Variants in SOCS7 observed in about 807,000 individuals in gnomAD.
SOCS7 encodes the protein suppressor of cytokine signaling 7.
Under a neutral mutation model 58.9 loss-of-function variants are expected in SOCS7, and 18 were observed. The observed-to-expected ratio is 0.31, with a 90% CI of 0.21 to 0.45. The LOEUF is 0.45. Among genes scored for constraint, SOCS7 ranks in the 20% least tolerant of loss-of-function variants. The pLI is 1.00. For synonymous variants in SOCS7, 388 were observed against 364.3 expected (o/e 1.06, Z -0.74); for missense variants, 667 against 837.3 (o/e 0.80, Z 2.51).
chr17:38,356,968 G>A (rs2037648876), intron 1 of SOCS7, among the ~76,000 whole-genome samples: 1 of 152,196 alleles, frequency 6.6e-6, no homozygotes, highest in Non-Finnish European at 1.5e-5. Flanking sequence ...TTGGAAATAG[G>A]TACCTTGTTC....
intron 9 of SOCS7, 24 bp downstream of exon 9, chr17:38,396,022 C>A: frequency 6.5e-7 from 1 of 1,540,178 alleles, no homozygotes. Flanking sequence ...GCCTCACTGC[C>A]CAGCCACATT....
chr17:38,352,520 G>A lies in SOCS7; in HGVS notation c.468G>A (p.Pro156=). ...CGTGTCCTCCTCAGCCGCCCCCTCC[G>A]CAGCCCCAGCCGCCTGCTGCCGCCC... ...PCPCPPQPPP[P]QPQPPAAAPQ... is the part of the protein sequence containing the mutation. Residue 156 remains proline (P), a synonymous_variant, in exon 1 of 10, where the codon CCG becomes CCA. Coordinates refer to ENST00000612932, the MANE Select transcript of SOCS7 (RefSeq NM_014598.4). This position sits in a 1 kb window ranked among gnomAD's most constrained non-coding sequence, Gnocchi z 5.5. 6.5e-7 allele frequency: 1 copy of A among 1,546,346 alleles called. No homozygotes were observed. The highest frequency in any genetic ancestry group is 8.7e-7 in the Non-Finnish European group (1 of 1,144,938).
intron 7 of SOCS7, among the ~76,000 whole-genome samples, chr17:38,379,077 G>A (rs1436619215): frequency 2.0e-5 from 3 of 151,096 alleles, no homozygotes; most frequent in Admixed American, 1.3e-4. Flanking sequence ...AGGATCACTT[G>A]AGCCTGGGAG....
rs1344639101 is a variant in SOCS7, at chr17:38,352,541, C to T, written c.489C>T (p.Ala163=). The change falls in exon 1 of 10, where the codon GCC becomes GCT. Residue 163 remains alanine (A), a synonymous_variant. Transcript: ENST00000612932. The surrounding 1 kb of genome is among the most constrained non-coding windows in gnomAD (Gnocchi z 5.5). ...PPPPQPQPPA[A]APQAGEDPTE... ...CTCCGCAGCCCCAGCCGCCTGCTGC[C>T]GCCCCGCAGGCCGGGGAGGACCCCA... 6.5e-7 allele frequency: 1 copy of T among 1,548,514 alleles called. No individual in the cohort carries two copies. The highest frequency in any genetic ancestry group is 8.7e-7 in the Non-Finnish European group (1 of 1,145,992).
chr17:38,365,161 G>T (rs1227602618), intron 3 of SOCS7, 147 bp from the exon 4 acceptor site: 1 of 619,638 alleles, frequency 1.6e-6, no homozygotes, highest in Non-Finnish European at 2.8e-6. Context: ...TAAGATGATT[G>T]TTGCCCTCTG....
At chr17:38,355,661 A>G (rs587764550) in intron 1 of SOCS7, among the ~76,000 whole-genome samples, 27 of 152,300 alleles carry the variant, frequency 1.8e-4, no homozygotes, top group Non-Finnish European at 2.5e-4. Flanking sequence ...ATGGGCTTCT[A>G]TAGTCTTTGC....
At chr17:38,379,475 T>C (rs2037974495) in intron 7 of SOCS7, among the ~76,000 whole-genome samples, 1 of 152,072 alleles carries the variant, frequency 6.6e-6, no homozygotes, top group Admixed American at 6.6e-5. Flanking sequence ...CCAGACTCTT[T>C]CAAAAAAACA....
intron 7 of SOCS7, among the ~76,000 whole-genome samples, chr17:38,391,427 A>G (rs913553747): frequency 1.3e-4 from 20 of 152,142 alleles, no homozygotes; most frequent in Non-Finnish European, 2.5e-4. Flanking sequence ...GTCTTACCCT[A>G]TCACTCAGGC....
intron 2 of SOCS7, among the ~76,000 whole-genome samples, chr17:38,362,030 A>G (rs2037727172): frequency 1.3e-5 from 2 of 152,350 alleles, no homozygotes; most frequent in South Asian, 4.1e-4. Flanking sequence ...GCAGTTATGC[A>G]GTGCTTAGTT....
At chr17:38,369,084 T>C (rs1282278546) in intron 6 of SOCS7, among the ~76,000 whole-genome samples, 1 of 152,250 alleles carries the variant, frequency 6.6e-6, no homozygotes, top group Non-Finnish European at 1.5e-5. Context: ...TCATTGTTTC[T>C]GAGGCTGGGT....
At position 38,395,418 on chromosome 17, in the gene SOCS7, T is replaced by C; in HGVS notation, c.1791T>C (p.Asp597=). 8 of 1,614,118 alleles carry C rather than the reference T, an allele frequency of 5.0e-6. No individual in the cohort carries two copies. The highest frequency in any genetic ancestry group is 5.9e-6 in the Non-Finnish European group (7 of 1,180,014). Residue 597 remains aspartate, a synonymous_variant, in exon 8 of 10, where the codon GAT becomes GAC. Transcript: ENST00000612932. ...RFRIRQLVRI[D]HIPDLPLPKP... is the part of the protein sequence containing the mutation. ...GGATACGACAGCTCGTCAGGATAGATCACATCCCAGATCTCCCACTGCCTA... is the reference window on the plus strand; with the variant it reads ...GGATACGACAGCTCGTCAGGATAGACCACATCCCAGATCTCCCACTGCCTA...
At chr17:38,375,711 C>G (rs1263255693) in intron 6 of SOCS7, 1 of 152,042 alleles carries the variant, frequency 6.6e-6, no homozygotes, top group Non-Finnish European at 1.5e-5. Context: ...ATGCTCCCCC[C>G]CACATTATTC....
At chr17:38,363,485 AC>A (rs2144329000) in intron 2 of SOCS7, among the ~76,000 whole-genome samples, 1 of 152,228 alleles carries the variant, frequency 6.6e-6, no homozygotes, top group South Asian at 2.1e-4. Context: ...ATAGGCATGC[AC>A]CACCATACCT....
In SOCS7 at chr17:38,403,682, G is replaced by A. The variant is rs2038352886; in HGVS notation, c.*4200G>A. ...TTAGGGTGTTAAGAGCATCTCCACT[G>A]GGCGGAGACCTGGCATTTGTTTTCC... On this transcript the variant is annotated 3_prime_UTR_variant, in exon 10 of 10. Coordinates refer to ENST00000612932, the MANE Select transcript of SOCS7 (RefSeq NM_014598.4). 1 of 152,182 alleles carries A rather than the reference G, an allele frequency of 6.6e-6. No individual in the cohort carries two copies. The highest frequency in any genetic ancestry group is 1.5e-5 in the Non-Finnish European group (1 of 68,056). The allele number at this position is 152,182 out of a possible 1,614,324, so 9.4% of individuals were successfully genotyped here. A position where few individuals can be genotyped will look rare whatever the true frequency, so the allele number is the denominator to read the frequency against.
chr17:38,367,340 C>T (rs911977806), intron 5 of SOCS7, among the ~76,000 whole-genome samples: 1 of 151,508 alleles, frequency 6.6e-6, no homozygotes, highest in Admixed American at 6.6e-5. Context: ...GCTGGGATTA[C>T]AGGTGTGAAC....
chr17:38,393,077 T>C (rs946103104), intron 7 of SOCS7, among the ~76,000 whole-genome samples: 1 of 152,204 alleles, frequency 6.6e-6, no homozygotes, highest in East Asian at 1.9e-4. Flanking sequence ...CGGCACAATC[T>C]TGGCTCACTG....
At chr17:38,378,803 C>T (rs747710622) in intron 7 of SOCS7, among the ~76,000 whole-genome samples, 1 of 152,016 alleles carries the variant, frequency 6.6e-6, no homozygotes, top group Admixed American at 6.6e-5. Context: ...AGCAATCTGC[C>T]TTTATAGTGT....
rs1049774245 is a variant in SOCS7, at chr17:38,401,725, A to C, written c.*2243A>C. ...GGTTGTAGTCAATGGCAGGACAGAC[A>C]GTGAGATGAAAAACACATGAGCAAA... is the stretch of plus-strand genomic sequence containing the variant. On this transcript the variant is annotated 3_prime_UTR_variant, in exon 10 of 10. Coordinates refer to ENST00000612932, the MANE Select transcript of SOCS7 (RefSeq NM_014598.4). 3.3e-5 allele frequency: 5 copies of C among 152,474 alleles called. No individual in the cohort carries two copies. Among genetic ancestry groups the C allele is most frequent in the Admixed American group, 3.3e-4 (5 of 15,288 alleles). 9.4% of individuals were successfully genotyped at this position (152,474 alleles called of 1,614,324 possible). A position where few individuals can be genotyped will look rare whatever the true frequency, so the allele number is the denominator to read the frequency against.
At position 38,352,480 on chromosome 17, in the gene SOCS7, G is replaced by T. The variant is rs1361368116; in HGVS notation, c.428G>T (p.Gly143Val). 1.3e-6 allele frequency: 2 copies of T among 1,522,594 alleles called. No homozygotes were observed. The highest frequency in any genetic ancestry group is 4.9e-5 in the East Asian group (2 of 40,606). 94.3% of individuals were successfully genotyped at this position (1,522,594 alleles called of 1,614,324 possible). ...CCGGGGGTCAAGACAGTCGGTGGGGGTTGCTGCCCGTGTCCGTGTCCTCCT... is the reference window on the plus strand; with the variant it reads ...CCGGGGGTCAAGACAGTCGGTGGGGTTTGCTGCCCGTGTCCGTGTCCTCCT... Reference protein sequence around the residue: ...AGPGVKTVGGGCCPCPCPPQP... With the variant: ...AGPGVKTVGGVCCPCPCPPQP... Residue 143 changes from glycine to valine, a missense_variant, in exon 1 of 10, where the codon GGT (glycine) becomes GTT (valine). By Grantham distance (109) the Gly-to-Val change is moderately radical. Transcript: ENST00000612932. The surrounding 1 kb of genome is among the most constrained non-coding windows in gnomAD (Gnocchi z 5.5).
Sources: gnomAD v4.1 joint callset for allele counts (sites outside exome capture counted in the v4.1 genomes callset) on GRCh38, gnomAD v4.1.1 for gene constraint, Gnocchi (gnomAD v3.1) non-coding constraint, MANE v1.5 for transcripts, NCBI Gene and HGNC (gene_info 2026-07-23, HGNC 2026-07-21) for gene names.